LRCH1: variants seen among roughly 807,000 people sequenced by gnomAD.
LRCH1 encodes leucine rich repeats and calponin homology domain containing 1.
Under a neutral mutation model 94.9 loss-of-function variants are expected in LRCH1, and 23 were observed. The observed-to-expected ratio is 0.24, with a 90% CI of 0.17 to 0.34. The LOEUF is 0.34. LRCH1 is among the 10% of genes least tolerant of loss of function. LRCH1 has a pLI of 1.00. For synonymous variants in LRCH1, 364 were observed against 354.9 expected, an observed-to-expected ratio of 1.03 and a Z score of -0.29; for missense variants, 790 against 945.9, an observed-to-expected ratio of 0.84 and a Z score of 2.16.
At position 46,744,149 on chromosome 13, in the gene LRCH1, C is replaced by A. The variant is rs1873805284; in HGVS notation, c.*2301C>A. Reference sequence around the variant, plus strand: ...TCTCCAAGGTACCCGTGCACCAGCCCATATGCTAACTGGATGCCTGCGGAT... The same window carrying A: ...TCTCCAAGGTACCCGTGCACCAGCCAATATGCTAACTGGATGCCTGCGGAT... On this transcript the variant is annotated 3_prime_UTR_variant, in exon 20 of 20. Coordinates refer to ENST00000389797, the MANE Select transcript of LRCH1 (RefSeq NM_001164211.2). 1.0e-6 allele frequency: 1 copy of A among 985,372 alleles called. No individual in the cohort carries two copies. Among genetic ancestry groups the A allele is most frequent in the Non-Finnish European group, 1.2e-6 (1 of 829,928 alleles). 61.0% of individuals were successfully genotyped at this position (985,372 alleles called of 1,614,324 possible).
chr13:46,683,949 G>A (rs966130598), intron 4 of LRCH1, among the ~76,000 whole-genome samples: 44 of 152,034 alleles, frequency 2.9e-4, no homozygotes, highest in African/African-American at 8.9e-4. Flanking sequence ...TTCAGTCAGT[G>A]ACTGTAAAGA....
chr13:46,564,948 C>T (rs914409796), intron 1 of LRCH1, among the ~76,000 whole-genome samples: 3 of 152,156 alleles, frequency 2.0e-5, no homozygotes, highest in Non-Finnish European at 4.4e-5. Flanking sequence ...TCTTCAGTCA[C>T]GTAGATAATT....
At chr13:46,657,495 C>CTTTTCTTT (rs1566204553) in intron 2 of LRCH1, among the ~76,000 whole-genome samples, 62 of 16,814 alleles carry the variant, frequency 3.7e-3, no homozygotes, top group African/African-American at 0.012. Context: ...TTTTTCTTTT[C>CTTTTCTTT]TTTTCTTTTT....
In LRCH1 at chr13:46,734,518, G is replaced by A. The variant is rs1280815786; in HGVS notation, c.2085+520G>A. On this transcript the variant is annotated intron_variant, in intron 19 of 19. Coordinates refer to ENST00000389797, the MANE Select transcript of LRCH1 (RefSeq NM_001164211.2). ...TTAATAATAGCAGCGTTTGTGTGTTGCTTTACAGTTTGTTAACTATTTGCA... is the reference window on the plus strand; with the variant it reads ...TTAATAATAGCAGCGTTTGTGTGTTACTTTACAGTTTGTTAACTATTTGCA... 2.6e-5 allele frequency among the ~76,000 whole-genome samples: 4 copies of A among 152,302 alleles called. No individual in the cohort carries two copies. In the East Asian group the frequency reaches 5.8e-4, roughly 22 times the overall value.
chr13:46,687,532 C>T (rs969353332), intron 5 of LRCH1, among the ~76,000 whole-genome samples: 1 of 152,158 alleles, frequency 6.6e-6, no homozygotes, highest in Non-Finnish European at 1.5e-5. Flanking sequence ...TCTTTTGTAA[C>T]TGGAATTTCA....
At chr13:46,690,570 A>G (rs1015469910) in intron 7 of LRCH1, among the ~76,000 whole-genome samples, 3 of 152,218 alleles carry the variant, frequency 2.0e-5, no homozygotes, top group African/African-American at 7.2e-5. Flanking sequence ...TTCTAAAAGG[A>G]GCCCAAGGAT....
intron 1 of LRCH1, among the ~76,000 whole-genome samples, chr13:46,624,696 G>C (rs1440580859): frequency 6.6e-6 from 1 of 152,220 alleles, no homozygotes; most frequent in Non-Finnish European, 1.5e-5. Flanking sequence ...TGCAAAGTTA[G>C]AATTCAGCTG....
chr13:46,674,709 G>A (rs2051647546), intron 3 of LRCH1, among the ~76,000 whole-genome samples: 1 of 152,182 alleles, frequency 6.6e-6, no homozygotes, highest in Admixed American at 6.5e-5. Context: ...AGGTATACAT[G>A]TATTATTTCA....
In LRCH1 at chr13:46,730,133, C is replaced by A. The variant is rs922446304; in HGVS notation, c.2007+1149C>A. 3.3e-5 allele frequency among the ~76,000 whole-genome samples: 5 copies of A among 152,288 alleles called. No homozygotes were observed. In the East Asian group the frequency reaches 9.6e-4, roughly 29 times the overall value. ...AAATAGAGAAAAAAGTATCACTGCT[C>A]ACCCTTTTTGCTGTTTGTTAGGAGA... On this transcript the variant is annotated intron_variant, in intron 18 of 19. Coordinates refer to ENST00000389797, the MANE Select transcript of LRCH1 (RefSeq NM_001164211.2).
chr13:46,647,712 G>T (rs1747226), intron 1 of LRCH1, among the ~76,000 whole-genome samples: 89,232 of 151,666 alleles, frequency 0.59, 26,241 homozygotes, highest in South Asian at 0.68. Context: ...CTGTCCTGGT[G>T]CTATTACAGC....
In LRCH1 at chr13:46,705,313, G is replaced by A; in HGVS notation, c.1527+9G>A. 2 of 1,612,848 alleles carry A rather than the reference G, an allele frequency of 1.2e-6. No individual in the cohort carries two copies. The highest frequency in any genetic ancestry group is 1.3e-5 in the African/African-American group (1 of 74,932). ...CATCTCCGGTGTGTGAGGTAAGGCTGCTGGTAGATTCACCAGAACTCTGTG... is the reference window on the plus strand; with the variant it reads ...CATCTCCGGTGTGTGAGGTAAGGCTACTGGTAGATTCACCAGAACTCTGTG... On this transcript the variant is annotated intron_variant, in intron 13 of 19. Coordinates refer to ENST00000389797, the MANE Select transcript of LRCH1 (RefSeq NM_001164211.2).
At chr13:46,651,873 G>GC (rs1555278212) in intron 2 of LRCH1, among the ~76,000 whole-genome samples, 1 of 118,678 alleles carries the variant, frequency 8.4e-6, no homozygotes, top group Non-Finnish European at 1.8e-5. Flanking sequence ...CTGATGTTTT[G>GC]TTTTTTTTGT....
At chr13:46,673,907 A>G (rs773147786) in intron 3 of LRCH1, among the ~76,000 whole-genome samples, 33 of 152,072 alleles carry the variant, frequency 2.2e-4, no homozygotes, top group Non-Finnish European at 4.4e-5. Flanking sequence ...CAGCCTCCCA[A>G]CTAGCTGGGA....
At chr13:46,651,897 G>GTTTTT (rs2051306631) in intron 2 of LRCH1, among the ~76,000 whole-genome samples, 1 of 127,192 alleles carries the variant, frequency 7.9e-6, no homozygotes, top group Non-Finnish European at 1.7e-5. Context: ...GTTTTGTTTT[G>GTTTTT]TTTGTTTTGA....
intron 1 of LRCH1, among the ~76,000 whole-genome samples, chr13:46,588,832 A>G (rs957778493): frequency 6.6e-6 from 1 of 151,428 alleles, no homozygotes; most frequent in Non-Finnish European, 1.5e-5. Context: ...CGAACTCCTG[A>G]TCTCAGGTGA....
chr13:46,601,440 T>A (rs1470463580), intron 1 of LRCH1, among the ~76,000 whole-genome samples: 1 of 152,146 alleles, frequency 6.6e-6, no homozygotes, highest in Non-Finnish European at 1.5e-5. Context: ...AGATTATAAG[T>A]TTTTTAAAAA....
chr13:46,678,296 C>T (rs978666892), intron 3 of LRCH1, among the ~76,000 whole-genome samples: 1 of 152,166 alleles, frequency 6.6e-6, no homozygotes, highest in Admixed American at 6.5e-5. Context: ...TTCTCCTTAA[C>T]CCCCAGCTAA....
chr13:46,652,335 C>G (rs1301064028), intron 2 of LRCH1, among the ~76,000 whole-genome samples: 1 of 151,568 alleles, frequency 6.6e-6, no homozygotes, highest in African/African-American at 2.4e-5. Context: ...CTCGGCCTCC[C>G]AAAGTGCTGG....
intron 1 of LRCH1, among the ~76,000 whole-genome samples, chr13:46,624,642 T>C (rs1169244622): frequency 2.0e-5 from 3 of 152,162 alleles, no homozygotes; most frequent in African/African-American, 7.2e-5. Flanking sequence ...GAAAATGTCC[T>C]GAGATGGGGG....
Sources: gnomAD v4.1 joint callset for allele counts (sites outside exome capture counted in the v4.1 genomes callset) on GRCh38, gnomAD v4.1.1 for gene constraint, MANE v1.5 for transcripts, NCBI Gene and HGNC (gene_info 2026-07-23, HGNC 2026-07-21) for gene names.